Variants in ZFYVE1 observed in about 807,000 individuals in gnomAD.
ZFYVE1 encodes zinc finger FYVE domain-containing protein 1.
A neutral mutation model predicts 74.4 loss-of-function variants in ZFYVE1; 30 were observed. The observed-to-expected ratio is 0.40, with a 90% CI of 0.30 to 0.55. The LOEUF (loss-of-function observed/expected upper bound fraction) is 0.55, where lower values mean the gene tolerates loss of function less well. ZFYVE1 is among the 20% of genes least tolerant of loss of function. The probability of loss-of-function intolerance (pLI) is 0.42; values close to 1 mark genes in which losing one functional copy is unlikely to be tolerated. For missense variants in ZFYVE1, 703 were observed against 1,011.6 expected (o/e 0.69, Z 4.14); for synonymous variants, 335 against 385.1 (o/e 0.87, Z 1.52).
intron 2 of ZFYVE1, among the ~76,000 whole-genome samples, chr14:73,015,244 GGAA>G (rs1389009029): frequency 9.8e-5 from 3 of 30,642 alleles, no homozygotes; most frequent in African/African-American, 7.9e-4. Context: ...AAGGAAGGAA[GGAA>G]GGAAGGAAGG....
At chr14:73,011,023 A>G (rs545814845) in intron 2 of ZFYVE1, among the ~76,000 whole-genome samples, 3 of 152,084 alleles carry the variant, frequency 2.0e-5, no homozygotes, top group African/African-American at 7.2e-5. Flanking sequence ...GCTTAAAAGA[A>G]AAAGAAAAAC....
rs1160599770 is a variant in ZFYVE1, at chr14:73,014,713, T to A, written c.483+9313A>T. On this transcript the variant is annotated intron_variant, in intron 2 of 11. Transcript: ENST00000556143. ...AATTCAACAATTTGAAAGATTATGA[T>A]CCCTCTGGCTCATGATCTACTGACC... Among the ~76,000 whole-genome samples the A allele has an allele frequency of 6.6e-5, 10 of 152,306 alleles. No individual in the cohort carries two copies. In the East Asian group the frequency reaches 1.9e-3, roughly 29 times the overall value.
At chr14:72,971,185 C>G in intron 11 of ZFYVE1, 71 bp from the exon 12 acceptor site, 1 of 1,500,034 alleles carries the variant, frequency 6.7e-7, no homozygotes, top group South Asian at 1.2e-5. Context: ...AGAGGCCATC[C>G]TCGGATGCTT....
chr14:72,999,718 C>A (rs1297239392), intron 2 of ZFYVE1, among the ~76,000 whole-genome samples: 1 of 152,176 alleles, frequency 6.6e-6, no homozygotes, highest in African/African-American at 2.4e-5. Flanking sequence ...TCACTTGAGC[C>A]CAGGAGTTTA....
At chr14:72,987,532 G>A (rs759210678) in intron 4 of ZFYVE1, among the ~76,000 whole-genome samples, 1 of 151,920 alleles carries the variant, frequency 6.6e-6, no homozygotes, top group Non-Finnish European at 1.5e-5. Flanking sequence ...GGTGCCTAGG[G>A]GACACAGAGC....
Position 72,997,976 on chromosome 14 carries a change from C to T in ZFYVE1, c.823G>A (p.Asp275Asn), listed in dbSNP as rs1185499113. Reference protein sequence around the residue: ...YRTHADRLHNDLFKFLGDASE... With the variant: ...YRTHADRLHNNLFKFLGDASE... ...GCATCCCCAAGGAATTTGAAGAGGT[C>T]GTTATGCAGCCGGTCTGCATGAGTT... is the stretch of plus-strand genomic sequence containing the variant. The change falls in exon 3 of 12, where the codon GAC becomes AAC. Residue 275 changes from aspartate to asparagine, a missense_variant. By Grantham distance (23) the Asp-to-Asn change is conservative (BLOSUM62 1). Coordinates refer to ENST00000556143, the MANE Select transcript of ZFYVE1 (RefSeq NM_021260.4). 6.2e-7 allele frequency: 1 copy of T among 1,613,954 alleles called. No individual in the cohort carries two copies. Among genetic ancestry groups the T allele is most frequent in the Non-Finnish European group, 8.5e-7 (1 of 1,180,032 alleles).
At position 72,978,769 on chromosome 14, in the gene ZFYVE1, A is replaced by G; in HGVS notation, c.1419+92T>C. ...CAATTTGAATATCAAATACTTCAGC[A>G]TGCAGCAAAAAATGGCCCCAAGATA... is the stretch of plus-strand genomic sequence containing the variant. On this transcript the variant is annotated intron_variant, in intron 6 of 11. Coordinates refer to ENST00000556143, the MANE Select transcript of ZFYVE1 (RefSeq NM_021260.4). 5 of 1,000,862 alleles carry G rather than the reference A, an allele frequency of 5.0e-6. No homozygotes were observed. The South Asian group carries it at 5.1e-5, about 10-fold the overall frequency. 62.0% of individuals were successfully genotyped at this position (1,000,862 alleles called of 1,614,324 possible). A position where few individuals can be genotyped will look rare whatever the true frequency, so the allele number is the denominator to read the frequency against.
At chr14:73,018,868 C>T (rs1894256122) in intron 2 of ZFYVE1, among the ~76,000 whole-genome samples, 2 of 151,322 alleles carry the variant, frequency 1.3e-5, no homozygotes, top group Admixed American at 1.3e-4. Flanking sequence ...TGCTTGAACC[C>T]AGGAGGCGGA....
In ZFYVE1 at chr14:72,971,017, G is replaced by C. The variant is rs147041367; in HGVS notation, c.2199C>G (p.Ser733=). The C allele has an allele frequency of 1.5e-5, 25 of 1,614,118 alleles. No individual in the cohort carries two copies. Among genetic ancestry groups the C allele is most frequent in the Non-Finnish European group, 2.1e-5 (25 of 1,180,060 alleles). ...NCRKEFSIKL[S]KHHCRACGQG... ...GTCCGCAGGCCCGGCAGTGGTGCTTGGAGAGCTTGATGCTGAACTCCTTCC... is the reference window on the plus strand; with the variant it reads ...GTCCGCAGGCCCGGCAGTGGTGCTTCGAGAGCTTGATGCTGAACTCCTTCC... The change falls in exon 12 of 12, where the codon TCC becomes TCG. Residue 733 remains serine (S), a synonymous_variant. Transcript: ENST00000556143.
At chr14:72,971,172 G>A (rs1893025143) in intron 11 of ZFYVE1, 58 bp from the exon 12 acceptor site, 1 of 1,564,534 alleles carries the variant, frequency 6.4e-7, no homozygotes, top group Non-Finnish European at 8.8e-7. Context: ...GGCCCAACTA[G>A]CAAGAGGCCA....
Position 73,024,050 on chromosome 14 carries a change from T to C in ZFYVE1, c.459A>G (p.Leu153=). The change falls in exon 2 of 12, where the codon CTA becomes CTG. Residue 153 remains leucine, a synonymous_variant. Coordinates refer to ENST00000556143, the MANE Select transcript of ZFYVE1 (RefSeq NM_021260.4). The part of the protein sequence containing the change: ...KMTEKVVSFL[L]VDENEEIQVT... ...CCTGAATTTCTTCATTTTCGTCTAC[T>C]AGGAGGAAACTCACAACCTTCTCAG... 6.2e-7 allele frequency: 1 copy of C among 1,614,120 alleles called. No homozygotes were observed. Among genetic ancestry groups the C allele is most frequent in the South Asian group, 1.1e-5 (1 of 91,084 alleles).
chr14:73,021,354 AAAATAAATAAATAAAT>A (rs71109783), intron 2 of ZFYVE1, among the ~76,000 whole-genome samples: 7 of 147,630 alleles, frequency 4.7e-5, no homozygotes, highest in African/African-American at 1.2e-4. Flanking sequence ...TCTCAAAATA[AAAATAAATAAATAAAT>A]AAATAAATAA....
intron 5 of ZFYVE1, among the ~76,000 whole-genome samples, chr14:72,981,370 C>T (rs1448283587): frequency 6.6e-6 from 1 of 152,182 alleles, no homozygotes; most frequent in Non-Finnish European, 1.5e-5. Context: ...TCAATACCGA[C>T]CCATAGTGTT....
intron 2 of ZFYVE1, among the ~76,000 whole-genome samples, chr14:73,018,836 C>T (rs1894255244): frequency 6.6e-6 from 1 of 151,294 alleles, no homozygotes; most frequent in South Asian, 2.1e-4. Context: ...CCCAGCTACT[C>T]AGGAGGCTGA....
At position 72,970,991 on chromosome 14, in the gene ZFYVE1, T is replaced by C. The variant is rs1893018868; in HGVS notation, c.2225A>G (p.Gln742Arg). The C allele has an allele frequency of 1.2e-6, 2 of 1,614,232 alleles. No individual in the cohort carries two copies. The highest frequency in any genetic ancestry group is 2.2e-5 in the East Asian group (1 of 44,880). The change falls in exon 12 of 12, where the codon CAG (glutamine) becomes CGG (arginine). Residue 742 changes from glutamine to arginine, a missense_variant. By Grantham distance (43) the Gln-to-Arg change is conservative (BLOSUM62 1). Transcript: ENST00000556143. Reference protein sequence around the residue: ...LSKHHCRACGQGFCDECSHDR... With the variant: ...LSKHHCRACGRGFCDECSHDR... ...ATGGGAGCACTCATCACAGAAGCCCTGTCCGCAGGCCCGGCAGTGGTGCTT... is the reference window on the plus strand; with the variant it reads ...ATGGGAGCACTCATCACAGAAGCCCCGTCCGCAGGCCCGGCAGTGGTGCTT...
intron 4 of ZFYVE1, among the ~76,000 whole-genome samples, chr14:72,982,441 C>T (rs942906446): frequency 6.6e-6 from 1 of 151,564 alleles, no homozygotes; most frequent in Non-Finnish European, 1.5e-5. Context: ...CATTTATCAA[C>T]TCTACCAACC....
In ZFYVE1 at chr14:72,975,770, G is replaced by A; in HGVS notation, c.1636-49C>T. ...ATCATGCTCTGAGAAGGGAGTGAAA[G>A]GAAGGAGGAAGAGGGATGTTTGGTG... On this transcript the variant is annotated intron_variant, in intron 8 of 11. Transcript: ENST00000556143. The surrounding 1 kb of genome is among the most constrained non-coding windows in gnomAD (Gnocchi z 4.1). 6.3e-7 allele frequency: 1 copy of A among 1,594,518 alleles called. No individual in the cohort carries two copies. Among genetic ancestry groups the A allele is most frequent in the South Asian group, 1.1e-5 (1 of 87,244 alleles).
intron 2 of ZFYVE1, among the ~76,000 whole-genome samples, chr14:73,008,790 C>T (rs1452429791): frequency 6.6e-6 from 1 of 152,130 alleles, no homozygotes; most frequent in Non-Finnish European, 1.5e-5. Flanking sequence ...TGTCAGTAAG[C>T]AGAATGGTCT....
At chr14:73,005,811 A>G (rs1481028810) in intron 2 of ZFYVE1, among the ~76,000 whole-genome samples, 1 of 152,206 alleles carries the variant, frequency 6.6e-6, no homozygotes, top group East Asian at 1.9e-4. Flanking sequence ...GCACCTGTGA[A>G]TTGCTCATTT....
Sources: allele counts gnomAD v4.1 joint callset (sites outside exome capture counted in the v4.1 genomes callset), GRCh38; gene constraint gnomAD v4.1.1; non-coding constraint Gnocchi (gnomAD v3.1); transcripts MANE v1.5; gene names NCBI Gene and HGNC (gene_info 2026-07-23, HGNC 2026-07-21).